The following CHD2 variants were observed in gnomAD, a reference collection of about 807,000 sequenced individuals.
The protein encoded by CHD2 is ATP-dependent chromatin remodeler CHD2.
A neutral mutation model predicts 243.9 loss-of-function variants in CHD2; 28 were observed. The ratio of observed to expected loss-of-function variants is 0.11; its 90% CI spans 0.09 to 0.16. The LOEUF is 0.16. Among genes scored for constraint, CHD2 ranks in the 10% least tolerant of loss-of-function variants. The pLI is 1.00. For missense variants in CHD2, 1,386 were observed against 2,209.8 expected, an observed-to-expected ratio of 0.63 and a Z score of 7.47; for synonymous variants, 775 against 779.0, an observed-to-expected ratio of 0.99 and a Z score of 0.09.
Position 92,944,624 on chromosome 15 carries a change from G to C in CHD2, c.1153+109G>C, listed in dbSNP as rs1320819. The C allele has an allele frequency of 0.51, 233,422 of 459,230 alleles. 62,719 individuals carry two copies. Among genetic ancestry groups the C allele is most frequent in the East Asian group, 0.84 (26,301 of 31,248 alleles). The allele number at this position is 459,230 out of a possible 1,614,324, so 28.4% of individuals were successfully genotyped here. On this transcript the variant is annotated intron_variant, in intron 10 of 38. Transcript: ENST00000394196. The stretch of plus-strand genomic sequence containing the variant: ...AATGCACTTTGGAGACTAGACACGT[G>C]CTAGGTTTATTTTAAAGGAAAAGCT...
chr15:92,982,397 A>T (rs570450885), intron 24 of CHD2, among the ~76,000 whole-genome samples: 1 of 152,322 alleles, frequency 6.6e-6, no homozygotes, highest in African/African-American at 2.4e-5. Flanking sequence ...GAGTCAGCTG[A>T]ATTGAGATGA....
intron 4 of CHD2, among the ~76,000 whole-genome samples, chr15:92,928,757 G>A (rs1004058936): frequency 3.3e-5 from 5 of 152,182 alleles, no homozygotes; most frequent in African/African-American, 7.2e-5. Context: ...CATTTACATC[G>A]TTGCAGAAAG....
Position 93,024,825 on chromosome 15 carries a change from A to T in CHD2, c.*120A>T. 1.2e-6 allele frequency: 1 copy of T among 840,580 alleles called. No homozygotes were observed. Among genetic ancestry groups the T allele is most frequent in the South Asian group, 1.8e-5 (1 of 54,776 alleles). The allele number at this position is 840,580 out of a possible 1,614,324, so 52.1% of individuals were successfully genotyped here. Reference sequence around the variant, plus strand: ...AGTTTTGGACATGCTGCTGCTGTCAACTCACTGGCTGAAGGAGCACTTCAA... The same window carrying T: ...AGTTTTGGACATGCTGCTGCTGTCATCTCACTGGCTGAAGGAGCACTTCAA... On this transcript the variant is annotated 3_prime_UTR_variant, in exon 39 of 39. Transcript: ENST00000394196.
In CHD2 at chr15:92,999,884, A is replaced by G. The variant is rs2054231858; in HGVS notation, c.4009-628A>G. Among the ~76,000 whole-genome samples, 3 of 152,112 alleles carry G rather than the reference A, an allele frequency of 2.0e-5. No homozygotes were observed. The South Asian group carries it at 6.2e-4, about 32-fold the overall frequency. ...ATATTATCTTTATTTGTACTTTTGT[A>G]TACAGAGTGATTTTCCTTTTTTAAA... On this transcript the variant is annotated intron_variant, in intron 31 of 38. Transcript: ENST00000394196.
At chr15:92,977,025 C>G (rs1357017482) in intron 20 of CHD2, among the ~76,000 whole-genome samples, 1 of 151,928 alleles carries the variant, frequency 6.6e-6, no homozygotes, top group African/African-American at 2.4e-5. Context: ...TCAACTTGAT[C>G]ATAGATGCAG....
At chr15:92,993,129 C>G in intron 28 of CHD2, 131 bp downstream of exon 28, 1 of 913,042 alleles carries the variant, frequency 1.1e-6, no homozygotes, top group East Asian at 2.7e-5. Context: ...TTATTCTGAG[C>G]TGCGTTTCTG....
In CHD2 at chr15:92,956,525, G is replaced by T. The variant is rs1057518462; in HGVS notation, c.1876G>T (p.Asp626Tyr). 6.2e-7 allele frequency: 1 copy of T among 1,613,974 alleles called. No homozygotes were observed. Among genetic ancestry groups the T allele is most frequent in the Non-Finnish European group, 8.5e-7 (1 of 1,179,946 alleles). ...VDEAHRLKND[D>Y]SLLYKTLIDF... is the part of the protein sequence containing the mutation. ...TGAAGCCCATCGGTTGAAGAATGAT[G>T]ACTCTTTATTGTATAAAACTCTGAT... The change falls in exon 16 of 39, where the codon GAC becomes TAC. Residue 626 changes from aspartate (D) to tyrosine (Y), a missense_variant. Asp to Tyr is a radical substitution (Grantham distance 160). Around this residue, in one of 19 missense-constraint regions of CHD2, gnomAD observed 118 missense variants for 266.3 expected, o/e 0.44. Coordinates refer to ENST00000394196, the MANE Select transcript of CHD2 (RefSeq NM_001271.4).
Position 92,912,749 on chromosome 15 carries a change from T to C in CHD2, c.62+11450T>C, listed in dbSNP as rs765804121. Among the ~76,000 whole-genome samples, 11 of 152,186 alleles carry C rather than the reference T, an allele frequency of 7.2e-5. No homozygotes were observed. The East Asian group carries it at 2.1e-3, about 29-fold the overall frequency. On this transcript the variant is annotated intron_variant, in intron 2 of 38. Coordinates refer to ENST00000394196, the MANE Select transcript of CHD2 (RefSeq NM_001271.4). ...AGGGGTTTCACTATGTTGGCCAGGC[T>C]GGTCTCAAACTCCTGACCTCGTGAT...
rs2054242561 is a variant in CHD2 at position 93,000,628 on chromosome 15, G to A, written c.4125G>A (p.Glu1375=). 1.2e-6 allele frequency: 2 copies of A among 1,611,756 alleles called. No homozygotes were observed. The highest frequency in any genetic ancestry group is 1.7e-6 in the Non-Finnish European group (2 of 1,178,826). The stretch of plus-strand genomic sequence containing the variant: ...GGCATTCAGATAATCCATCAGAAGA[G>A]GGAGAAGTGAAAGTATGAAGTGGGG... ...SPRHSDNPSE[E]GEVKDDGLEK... Residue 1375 remains glutamate (E), a synonymous_variant, in exon 32 of 39, where the codon GAG becomes GAA. Coordinates refer to ENST00000394196, the MANE Select transcript of CHD2 (RefSeq NM_001271.4).
chr15:93,001,903 C>T (rs2054261755), intron 32 of CHD2, among the ~76,000 whole-genome samples: 1 of 152,278 alleles, frequency 6.6e-6, no homozygotes, highest in Non-Finnish European at 1.5e-5. Flanking sequence ...TACTCAGTTT[C>T]CATCCGTGAA....
At chr15:92,918,065 T>C (rs1037065780) in intron 2 of CHD2, among the ~76,000 whole-genome samples, 1 of 152,228 alleles carries the variant, frequency 6.6e-6, no homozygotes, top group East Asian at 1.9e-4. Context: ...TGGCGGCTTT[T>C]GGGCGGGGCT....
chr15:92,994,185 C>G (rs751567357), intron 28 of CHD2, among the ~76,000 whole-genome samples: 1 of 152,128 alleles, frequency 6.6e-6, no homozygotes, highest in African/African-American at 2.4e-5. Flanking sequence ...TCTACCACTT[C>G]TAGTTATAAG....
intron 16 of CHD2, among the ~76,000 whole-genome samples, chr15:92,958,443 G>A (rs995536770): frequency 5.3e-5 from 8 of 152,084 alleles, no homozygotes; most frequent in African/African-American, 1.4e-4. Context: ...CTCAGGCGTC[G>A]TGTTCCGTCA....
intron 3 of CHD2, among the ~76,000 whole-genome samples, chr15:92,925,643 G>A (rs1250207251): frequency 6.6e-6 from 1 of 152,268 alleles, no homozygotes; most frequent in African/African-American, 2.4e-5. Context: ...CTAGAGTAAA[G>A]CGCACTTTCC....
chr15:92,946,008 T>A (rs1222134226), intron 11 of CHD2, 30 bp from the exon 12 acceptor site: 1 of 1,538,602 alleles, frequency 6.5e-7, no homozygotes, highest in Non-Finnish European at 8.8e-7. Context: ...TGACAGTTGC[T>A]AATCTATAAA....
chr15:92,961,658 C>T (rs966521708), intron 16 of CHD2, among the ~76,000 whole-genome samples: 18 of 152,038 alleles, frequency 1.2e-4, no homozygotes, highest in African/African-American at 4.3e-4. Context: ...GTGATCCTCC[C>T]GCCTCTGTTT....
intron 38 of CHD2, among the ~76,000 whole-genome samples, chr15:93,023,743 A>G (rs2054561237): frequency 6.6e-6 from 1 of 151,320 alleles, no homozygotes; most frequent in South Asian, 2.1e-4. Flanking sequence ...TGGCTTGAAC[A>G]TGCATTTCCC....
chr15:92,916,946 C>A (rs1009632117), intron 2 of CHD2, among the ~76,000 whole-genome samples: 1 of 152,134 alleles, frequency 6.6e-6, no homozygotes, highest in Non-Finnish European at 1.5e-5. Context: ...GCAAAATAAC[C>A]AGTTATAATG....
At chr15:92,986,744 G>C (rs1377143700) in intron 26 of CHD2, among the ~76,000 whole-genome samples, 2 of 152,126 alleles carry the variant, frequency 1.3e-5, no homozygotes, top group Non-Finnish European at 2.9e-5. Flanking sequence ...TTTTGGTAGA[G>C]TCAGAATCTT....
Sources: gnomAD v4.1 joint callset for allele counts (sites outside exome capture counted in the v4.1 genomes callset) on GRCh38, gnomAD v4.1.1 for gene constraint, gnomAD v4.1.1 regional missense constraint, MANE v1.5 for transcripts, NCBI Gene and HGNC (gene_info 2026-07-23, HGNC 2026-07-21) for gene names.